MYO3B: variants seen among roughly 807,000 people sequenced by gnomAD.
The protein encoded by MYO3B is myosin IIIB.
MYO3B carries 156 observed loss-of-function variants against 174.6 expected under a neutral mutation model. The observed-to-expected ratio is 0.89, with a 90% CI of 0.78 to 1.02. MYO3B has a LOEUF of 1.02. Among genes scored for constraint, MYO3B ranks in the 50% least tolerant of loss-of-function variants. The pLI is 0.00. For missense variants in MYO3B, 1,632 were observed against 1,639.4 expected (o/e 1.00, Z 0.08); for synonymous variants, 563 against 569.1 (o/e 0.99, Z 0.15).
At chr2:170,572,377 G>A (rs1473708474) in intron 32 of MYO3B, among the ~76,000 whole-genome samples, 3 of 151,620 alleles carry the variant, frequency 2.0e-5, no homozygotes, top group African/African-American at 7.3e-5. Flanking sequence ...GCAGTGAGCT[G>A]AGATTGCGCC....
intron 7 of MYO3B, among the ~76,000 whole-genome samples, chr2:170,243,029 G>A (rs1318115524): frequency 6.6e-6 from 1 of 152,184 alleles, no homozygotes. Context: ...CTTCACAGCT[G>A]GAGCTATCCA....
At chr2:170,354,699 T>C (rs927566645) in intron 8 of MYO3B, among the ~76,000 whole-genome samples, 4 of 152,178 alleles carry the variant, frequency 2.6e-5, no homozygotes, top group Non-Finnish European at 5.9e-5. Context: ...GTTAATTAGA[T>C]GGCCTATTAT....
At chr2:170,508,579 T>C (rs1243195062) in intron 28 of MYO3B, among the ~76,000 whole-genome samples, 2 of 152,230 alleles carry the variant, frequency 1.3e-5, no homozygotes, top group Non-Finnish European at 2.9e-5. Flanking sequence ...GTCTCCCTTA[T>C]GTGTTCTGCA....
intron 23 of MYO3B, among the ~76,000 whole-genome samples, chr2:170,459,554 C>T (rs1450974727): frequency 6.6e-6 from 1 of 152,222 alleles, no homozygotes; most frequent in Admixed American, 6.5e-5. Flanking sequence ...CACCCCCACC[C>T]AGGAGCCCAG....
chr2:170,503,459 C>CTTTTT (rs10650053), intron 28 of MYO3B, among the ~76,000 whole-genome samples: 8 of 97,612 alleles, frequency 8.2e-5, no homozygotes, highest in Non-Finnish European at 1.7e-4. Context: ...GGGTGTCTCC[C>CTTTTT]TTTTTTTTTT....
chr2:170,529,262 A>G (rs921680591), intron 30 of MYO3B, among the ~76,000 whole-genome samples: 1 of 152,102 alleles, frequency 6.6e-6, no homozygotes, highest in African/African-American at 2.4e-5. Flanking sequence ...TATTAAGCTT[A>G]GTACCTGGGT....
At position 170,439,378 on chromosome 2, in the gene MYO3B, A is replaced by G. The variant is rs184568470; in HGVS notation, c.2651-4589A>G. 2.5e-3 allele frequency among the ~76,000 whole-genome samples: 360 copies of G among 146,774 alleles called. 1 individual carries two copies. Among genetic ancestry groups the G allele is most frequent in the African/African-American group, 9.1e-3 (346 of 37,828 alleles). On this transcript the variant is annotated intron_variant, in intron 22 of 34. Coordinates refer to ENST00000408978, the MANE Select transcript of MYO3B (RefSeq NM_138995.5). ...CAAAGAAAGACTCCATCTCAAAAAT[A>G]ATAATAATAATAATAATTTTTTGTT...
At chr2:170,298,970 A>G (rs915896077) in intron 7 of MYO3B, among the ~76,000 whole-genome samples, 3 of 152,154 alleles carry the variant, frequency 2.0e-5, no homozygotes, top group Non-Finnish European at 4.4e-5. Flanking sequence ...TCCATGGGCT[A>G]GGAGGAATAG....
intron 6 of MYO3B, among the ~76,000 whole-genome samples, chr2:170,224,612 G>T (rs759337664): frequency 6.6e-6 from 1 of 151,840 alleles, no homozygotes; most frequent in Admixed American, 6.6e-5. Context: ...TTGCAATTCC[G>T]CCATGCATTA....
chr2:170,523,652 G>A (rs1688817695), intron 30 of MYO3B, among the ~76,000 whole-genome samples: 1 of 152,206 alleles, frequency 6.6e-6, no homozygotes, highest in Admixed American at 6.5e-5. Flanking sequence ...CAGGCCCCTT[G>A]CATCTCTTTG....
At chr2:170,409,769 A>G (rs2094533920) in intron 22 of MYO3B, among the ~76,000 whole-genome samples, 1 of 152,240 alleles carries the variant, frequency 6.6e-6, no homozygotes, top group African/African-American at 2.4e-5. Flanking sequence ...TTCATTTTCT[A>G]TATGGAATTT....
At chr2:170,250,635 C>T (rs1400298994) in intron 7 of MYO3B, among the ~76,000 whole-genome samples, 3 of 152,166 alleles carry the variant, frequency 2.0e-5, no homozygotes, top group African/African-American at 7.2e-5. Flanking sequence ...TGCCTTTTTG[C>T]AAGGGTAGAG....
At chr2:170,593,715 G>T (rs1184438433) in intron 32 of MYO3B, among the ~76,000 whole-genome samples, 2 of 152,188 alleles carry the variant, frequency 1.3e-5, no homozygotes, top group South Asian at 4.1e-4. Flanking sequence ...GTAATTAAAA[G>T]AGAACTGCAC....
chr2:170,215,346 A>G (rs1193294232), intron 5 of MYO3B, among the ~76,000 whole-genome samples: 1 of 152,182 alleles, frequency 6.6e-6, no homozygotes, highest in African/African-American at 2.4e-5. Context: ...GGGAAATGGA[A>G]GTGTGAGAGG....
At chr2:170,231,082 G>C (rs150632886) in intron 6 of MYO3B, among the ~76,000 whole-genome samples, 1 of 152,312 alleles carries the variant, frequency 6.6e-6, no homozygotes, top group African/African-American at 2.4e-5. Context: ...ACAGAACACA[G>C]CTGACCCTGC....
intron 7 of MYO3B, among the ~76,000 whole-genome samples, chr2:170,311,976 G>T (rs1038105730): frequency 6.6e-6 from 1 of 152,176 alleles, no homozygotes; most frequent in African/African-American, 2.4e-5. Flanking sequence ...TCTTATGCCG[G>T]TAATCACACT....
At chr2:170,411,627 A>G (rs963129518) in intron 22 of MYO3B, 1 of 152,226 alleles carries the variant, frequency 6.6e-6, no homozygotes, top group Admixed American at 6.5e-5. Flanking sequence ...GAGAGGATCA[A>G]CCTCGGTGTG....
chr2:170,290,569 T>C (rs939027864), intron 7 of MYO3B, among the ~76,000 whole-genome samples: 2 of 152,202 alleles, frequency 1.3e-5, no homozygotes, highest in African/African-American at 4.8e-5. Context: ...TCTATGTGTA[T>C]CTTTATATGT....
At chr2:170,391,473 A>G (rs752088214) in intron 14 of MYO3B, 47 bp from the exon 15 acceptor site, 1 of 910,646 alleles carries the variant, frequency 1.1e-6, no homozygotes, top group Non-Finnish European at 1.6e-6. Context: ...AATACTTGGG[A>G]TGGGGAAGCC....
Sources: allele counts gnomAD v4.1 joint callset (sites outside exome capture counted in the v4.1 genomes callset), GRCh38; gene constraint gnomAD v4.1.1; transcripts MANE v1.5; gene names NCBI Gene and HGNC (gene_info 2026-07-23, HGNC 2026-07-21).